Variants in HDHD5 observed in about 807,000 individuals in gnomAD.
HDHD5 encodes haloacid dehalogenase like hydrolase domain containing 5, also known as haloacid dehalogenase-like hydrolase domain-containing 5.
Under a neutral mutation model 35.5 loss-of-function variants are expected in HDHD5, and 34 were observed. The ratio of observed to expected loss-of-function variants is 0.96; its 90% CI spans 0.73 to 1.28. The LOEUF (loss-of-function observed/expected upper bound fraction) is 1.28, where lower values mean the gene tolerates loss of function less well. Ranked by LOEUF, HDHD5 falls within the 50% of genes most tolerant of loss-of-function variation. The pLI is 0.00. For missense variants in HDHD5, 589 were observed against 560.2 expected, an observed-to-expected ratio of 1.05 and a Z score of -0.52; for synonymous variants, 248 against 240.6, an observed-to-expected ratio of 1.03 and a Z score of -0.29.
chr22:17,157,055 G>A (rs1317845411), intron 1 of HDHD5, among the ~76,000 whole-genome samples: 3 of 138,420 alleles, frequency 2.2e-5, no homozygotes, highest in African/African-American at 8.1e-5. Flanking sequence ...TCCAGCCCGG[G>A]CAACAGAGCT....
chr22:17,139,061 C>T (rs548107949), intron 6 of HDHD5, among the ~76,000 whole-genome samples: 7 of 152,202 alleles, frequency 4.6e-5, no homozygotes, highest in Non-Finnish European at 7.3e-5. Context: ...AGGCAGACTA[C>T]GGTTGCGCTT....
chr22:17,155,537 G>A (rs914945895), intron 1 of HDHD5, among the ~76,000 whole-genome samples: 3 of 151,896 alleles, frequency 2.0e-5, no homozygotes, highest in Non-Finnish European at 2.9e-5. Context: ...GACCCACCGC[G>A]CCCGGCCCAA....
At chr22:17,162,112 C>T (rs1386495655), upstream of HDHD5, among the ~76,000 whole-genome samples, 2 of 152,134 alleles carry the variant, frequency 1.3e-5, no homozygotes, top group African/African-American at 4.8e-5. Flanking sequence ...ATTCAAGCAG[C>T]CCTATAGAAA....
chr22:17,147,565 G>A (rs1280670743), intron 3 of HDHD5, among the ~76,000 whole-genome samples: 3 of 96,550 alleles, frequency 3.1e-5, no homozygotes, highest in African/African-American at 4.4e-5. Context: ...ACCGGCCTTC[G>A]ATCACACGCC....
chr22:17,149,587 T>G lies in HDHD5; in HGVS notation c.285A>C (p.Leu95Phe), dbSNP rs374271236. 9.3e-5 allele frequency: 150 copies of G among 1,612,748 alleles called. No homozygotes were observed. The highest frequency in any genetic ancestry group is 1.1e-4 in the Non-Finnish European group (130 of 1,180,018). Residue 95 changes from leucine (L) to phenylalanine (F), a missense_variant, in exon 2 of 8, where the codon TTA becomes TTC. Coordinates refer to ENST00000336737, the MANE Select transcript of HDHD5 (RefSeq NM_033070.3). ...ACAGCTCCTGGGCTTTGCTGTGTTG[T>G]AAGATGTTCCCAGCATTTGTAACAA... Reference protein sequence around the residue: ...VVFVTNAGNILQHSKAQELSA... With the variant: ...VVFVTNAGNIFQHSKAQELSA...
At chr22:17,142,938 A>G in intron 5 of HDHD5, 160 bp downstream of exon 5, 1 of 661,608 alleles carries the variant, frequency 1.5e-6, no homozygotes, top group Non-Finnish European at 2.6e-6. Flanking sequence ...CAACAGTCTC[A>G]GAGGTGGTAA....
rs372606898 is a variant in HDHD5 at position 17,144,301 on chromosome 22, C to G, written c.537+723G>C. On this transcript the variant is annotated intron_variant, in intron 4 of 7. Coordinates refer to ENST00000336737, the MANE Select transcript of HDHD5 (RefSeq NM_033070.3). Reference sequence around the variant, plus strand: ...ACAGGGTCTCACTCAGCCGCCAAGACTGGAGTGCAGTGATCACAGCTCACT... The same window carrying G: ...ACAGGGTCTCACTCAGCCGCCAAGAGTGGAGTGCAGTGATCACAGCTCACT... Among the ~76,000 whole-genome samples the G allele has an allele frequency of 6.3e-3, 961 of 151,944 alleles. 7 individuals are homozygous for G. Among genetic ancestry groups the G allele is most frequent in the African/African-American group, 0.022 (911 of 41,446 alleles).
At chr22:17,152,366 G>A (rs1424329991) in intron 1 of HDHD5, among the ~76,000 whole-genome samples, 1 of 151,628 alleles carries the variant, frequency 6.6e-6, no homozygotes, top group Non-Finnish European at 1.5e-5. Flanking sequence ...GGTAAGAATG[G>A]AGATCAGGGG....
chr22:17,142,991 C>CT, intron 5 of HDHD5, 107 bp downstream of exon 5: 2 of 1,128,718 alleles, frequency 1.8e-6, no homozygotes, highest in Non-Finnish European at 2.4e-6. Context: ...GACTCCAAGG[C>CT]CCCTTGCTGC....
intron 1 of HDHD5, among the ~76,000 whole-genome samples, chr22:17,150,839 T>A (rs1178494250): frequency 6.6e-6 from 1 of 152,206 alleles, no homozygotes; most frequent in Admixed American, 6.5e-5. Context: ...ATATTAATTA[T>A]GCATAGCTCT....
At chr22:17,164,513 T>C (rs924320218) in intron 1 of HDHD5, among the ~76,000 whole-genome samples, 3 of 152,188 alleles carry the variant, frequency 2.0e-5, no homozygotes, top group Non-Finnish European at 2.9e-5. Context: ...CAGGCTCCTA[T>C]TTTGCTCCCT....
intron 4 of HDHD5, 62 bp from the exon 5 acceptor site, chr22:17,143,193 A>C: frequency 6.4e-7 from 1 of 1,562,528 alleles, no homozygotes; most frequent in Non-Finnish European, 8.7e-7. Context: ...GAGAACCACA[A>C]CCCCACCTCC....
At chr22:17,158,042 C>T (rs774468560) in intron 1 of HDHD5, among the ~76,000 whole-genome samples, 3 of 152,156 alleles carry the variant, frequency 2.0e-5, no homozygotes, top group Admixed American at 6.6e-5. Flanking sequence ...GTAATTTGGC[C>T]GGGTGCACTG....
chr22:17,162,395 A>G (rs2061868950), upstream of HDHD5, among the ~76,000 whole-genome samples: 1 of 152,234 alleles, frequency 6.6e-6, no homozygotes, highest in Non-Finnish European at 1.5e-5. Context: ...TGTCATACTT[A>G]GTGTTATTAA....
At chr22:17,138,811 G>A in intron 6 of HDHD5, 73 bp from the exon 7 acceptor site, 1 of 1,547,684 alleles carries the variant, frequency 6.5e-7, no homozygotes, top group Non-Finnish European at 8.9e-7. Context: ...GACTGCCACT[G>A]TCTAAGCAGC....
At chr22:17,148,746 C>A (rs1233104882) in intron 2 of HDHD5, among the ~76,000 whole-genome samples, 186 bp from the exon 3 acceptor site, 3 of 152,152 alleles carry the variant, frequency 2.0e-5, no homozygotes, top group African/African-American at 7.2e-5. Context: ...CTGAGAAGAA[C>A]CTGTCTCATT....
chr22:17,165,123 T>C, intron 1 of HDHD5: 2 of 722,038 alleles, frequency 2.8e-6, no homozygotes, highest in Non-Finnish European at 5.2e-6. Flanking sequence ...ACATATTTCC[T>C]ACTAGTCATG....
At chr22:17,144,148 T>C (rs1274023586) in intron 4 of HDHD5, among the ~76,000 whole-genome samples, 1 of 152,228 alleles carries the variant, frequency 6.6e-6, no homozygotes, top group Non-Finnish European at 1.5e-5. Flanking sequence ...AGCCAGTAAG[T>C]CTGGAACTCC....
At chr22:17,139,999 C>T (rs1253242877) in intron 6 of HDHD5, among the ~76,000 whole-genome samples, 1 of 152,126 alleles carries the variant, frequency 6.6e-6, no homozygotes, top group East Asian at 1.9e-4. Context: ...GATCTAGTGT[C>T]AGCATACCCG....
Sources: allele counts gnomAD v4.1 joint callset (sites outside exome capture counted in the v4.1 genomes callset), GRCh38; gene constraint gnomAD v4.1.1; transcripts MANE v1.5; gene names NCBI Gene and HGNC (gene_info 2026-07-23, HGNC 2026-07-21).